Variants in FGD6 observed in about 807,000 individuals in gnomAD.
The protein encoded by FGD6 is FYVE, RhoGEF and PH domain-containing protein 6.
A neutral mutation model predicts 149.4 loss-of-function variants in FGD6; 90 were observed. The ratio of observed to expected loss-of-function variants is 0.60; its 90% CI spans 0.51 to 0.72. The LOEUF (loss-of-function observed/expected upper bound fraction) is 0.72, where lower values mean the gene tolerates loss of function less well. FGD6 is among the 30% of genes least tolerant of loss of function. The pLI, the probability that FGD6 is intolerant of heterozygous loss-of-function variation, is 0.00. For synonymous variants in FGD6, 527 were observed against 584.0 expected, an observed-to-expected ratio of 0.90 and a Z score of 1.41; for missense variants, 1,437 against 1,684.8, an observed-to-expected ratio of 0.85 and a Z score of 2.57.
rs1592879950 is a variant in FGD6, at chr12:95,210,495, G to A, written c.789C>T (p.Ser263=). Residue 263 remains serine, a synonymous_variant, in exon 2 of 21, where the codon AGC becomes AGT. Transcript: ENST00000343958. ...FETCQDDSEK[S]NNCFQSSELE... ...GTTCAGATGACTGAAAGCAATTATTGCTTTTTTCACTGTCATCCTGGCAAG... is the reference window on the plus strand; with the variant it reads ...GTTCAGATGACTGAAAGCAATTATTACTTTTTTCACTGTCATCCTGGCAAG... 3 of 1,613,890 alleles carry A rather than the reference G, an allele frequency of 1.9e-6. No homozygotes were observed. Among genetic ancestry groups the A allele is most frequent in the Middle Eastern group, 1.6e-4 (1 of 6,062 alleles).
At chr12:95,094,879 G>A (rs75794771) in intron 14 of FGD6, among the ~76,000 whole-genome samples, 185 bp from the exon 15 acceptor site, 1,602 of 152,256 alleles carry the variant, frequency 0.011, 32 homozygotes, top group African/African-American at 0.036. Context: ...CAGAGAACCC[G>A]TGATGGCATT....
chr12:95,151,668 T>A (rs554939526), intron 5 of FGD6, among the ~76,000 whole-genome samples: 1 of 152,292 alleles, frequency 6.6e-6, no homozygotes, highest in African/African-American at 2.4e-5. Context: ...TTTGTATGTA[T>A]CCATTCAAAG....
chr12:95,125,735 T>C, intron 8 of FGD6: 1 of 603,300 alleles, frequency 1.7e-6, no homozygotes. Context: ...TAAAAATGAA[T>C]TCCTTCTCAC....
chr12:95,169,692 A>G (rs1460765039), intron 3 of FGD6, among the ~76,000 whole-genome samples: 1 of 152,224 alleles, frequency 6.6e-6, no homozygotes, highest in South Asian at 2.1e-4. Flanking sequence ...AGAAGTATGG[A>G]AAGAAATGGG....
intron 2 of FGD6, among the ~76,000 whole-genome samples, chr12:95,192,793 G>C (rs1881628192): frequency 6.6e-6 from 1 of 152,198 alleles, no homozygotes; most frequent in Admixed American, 6.5e-5. Context: ...GGTCTAGAAA[G>C]ATGAAAAATT....
chr12:95,134,816 C>G lies in FGD6; in HGVS notation c.3005G>C (p.Arg1002Pro). 1.2e-6 allele frequency: 2 copies of G among 1,612,642 alleles called. No individual in the cohort carries two copies. Among genetic ancestry groups the G allele is most frequent in the South Asian group, 1.1e-5 (1 of 90,766 alleles). The change falls in exon 8 of 21, where the codon CGC (arginine) becomes CCC (proline). Residue 1002 changes from arginine to proline, a missense_variant. Physicochemically the swap from Arg to Pro is moderately radical, Grantham distance 103. Around this residue, in one of 2 missense-constraint regions of FGD6, gnomAD observed 382 missense variants for 538.7 expected, o/e 0.71. Coordinates refer to ENST00000343958, the MANE Select transcript of FGD6 (RefSeq NM_018351.4). Reference sequence around the variant, plus strand: ...GTGCTTGAGGGCCAGATTAGCACAGCGAGGGCTCATCTGAAAGGAGAAGGC... The same window carrying G: ...GTGCTTGAGGGCCAGATTAGCACAGGGAGGGCTCATCTGAAAGGAGAAGGC... ...AVVREFEMSP[R>P]CANLALKHYL...
chr12:95,090,107 G>C (rs1005800768), intron 17 of FGD6, among the ~76,000 whole-genome samples: 1 of 152,050 alleles, frequency 6.6e-6, no homozygotes, highest in Non-Finnish European at 1.5e-5. Context: ...AAGAAGTAAT[G>C]AATTCTGATT....
At chr12:95,138,338 G>C (rs1309403550) in intron 6 of FGD6, among the ~76,000 whole-genome samples, 1 of 152,136 alleles carries the variant, frequency 6.6e-6, no homozygotes, top group Non-Finnish European at 1.5e-5. Context: ...CTGATCAGGA[G>C]TTTGAGACCA....
intron 9 of FGD6, among the ~76,000 whole-genome samples, 200 bp downstream of exon 9, chr12:95,113,451 G>A (rs960562452): frequency 6.6e-6 from 1 of 151,874 alleles, no homozygotes; most frequent in African/African-American, 2.4e-5. Context: ...GGCCAGGCTG[G>A]TCTCAAACTC....
At chr12:95,203,418 T>C (rs1443775927) in intron 2 of FGD6, among the ~76,000 whole-genome samples, 1 of 152,136 alleles carries the variant, frequency 6.6e-6, no homozygotes, top group African/African-American at 2.4e-5. Context: ...ACAGTACCAC[T>C]AAAACTGCTC....
intron 6 of FGD6, among the ~76,000 whole-genome samples, chr12:95,139,543 C>A (rs143765504): frequency 3.3e-5 from 5 of 151,852 alleles, no homozygotes; most frequent in African/African-American, 1.2e-4. Context: ...ACCATGTTGG[C>A]CAGGCTGGTC....
At position 95,210,364 on chromosome 12, in the gene FGD6, G is replaced by A. The variant is rs563570959; in HGVS notation, c.920C>T (p.Pro307Leu). 6.2e-7 allele frequency: 1 copy of A among 1,613,460 alleles called. No individual in the cohort carries two copies. The highest frequency in any genetic ancestry group is 8.5e-7 in the Non-Finnish European group (1 of 1,179,900). Residue 307 changes from proline to leucine, a missense_variant, in exon 2 of 21, where the codon CCA becomes CTA. By Grantham distance (98) the Pro-to-Leu change is moderately conservative. Transcript: ENST00000343958. ...GGGAGTTGGAAATTTTGGGGTATAT[G>A]GTACTAAATGAATTTCTAAGGGACC... is the stretch of plus-strand genomic sequence containing the variant. ...DLGPLEIHLVPYTPKFPTPKP... is the reference protein window; with the variant it reads ...DLGPLEIHLVLYTPKFPTPKP...
chr12:95,081,614 C>T (rs997386946), intron 20 of FGD6, 58 bp from the exon 21 acceptor site: 8 of 1,244,844 alleles, frequency 6.4e-6, no homozygotes, highest in Non-Finnish European at 9.2e-6. Context: ...CGTGTGAACA[C>T]CATATAGATG....
At chr12:95,083,030 T>TATATAGATATATATATAC (rs772685891) in intron 20 of FGD6, among the ~76,000 whole-genome samples, 1 of 56,580 alleles carries the variant, frequency 1.8e-5, no homozygotes, top group East Asian at 4.1e-4. Context: ...TATATATATA[T>TATATAGATATATATATAC]ACACACACAT....
intron 2 of FGD6, among the ~76,000 whole-genome samples, chr12:95,195,218 A>G (rs1379896656): frequency 6.6e-6 from 1 of 152,214 alleles, no homozygotes; most frequent in Non-Finnish European, 1.5e-5. Flanking sequence ...AACGGACTAA[A>G]ATCACCTGAC....
intron 18 of FGD6, among the ~76,000 whole-genome samples, chr12:95,086,841 G>T: frequency 1.7e-5 from 2 of 116,594 alleles, no homozygotes; most frequent in East Asian, 2.6e-4. Flanking sequence ...CCACCACACC[G>T]GCCTTTTTTT....
intron 8 of FGD6, among the ~76,000 whole-genome samples, chr12:95,124,522 T>C (rs1879283112): frequency 6.6e-6 from 1 of 152,196 alleles, no homozygotes; most frequent in South Asian, 2.1e-4. Flanking sequence ...TGACTAAAAC[T>C]GTGAGAGCAA....
Position 95,089,566 on chromosome 12 carries a change from T to TAC in FGD6, c.3978+1_3978+2dup. ...ACATTGCAAATTTAATGGAAACACT[T>TAC]ACTTCTTTGAGAGCAGCTGGGATTT... On this transcript the variant is annotated splice_region_variant and intron_variant, in intron 18 of 20. Coordinates refer to ENST00000343958, the MANE Select transcript of FGD6 (RefSeq NM_018351.4). The TAC allele has an allele frequency of 3.1e-6, 5 of 1,613,238 alleles. No homozygotes were observed. The highest frequency in any genetic ancestry group is 4.2e-6 in the Non-Finnish European group (5 of 1,179,472).
At chr12:95,199,311 T>C (rs1160130320) in intron 2 of FGD6, among the ~76,000 whole-genome samples, 2 of 152,188 alleles carry the variant, frequency 1.3e-5, no homozygotes, top group Non-Finnish European at 2.9e-5. Flanking sequence ...ACTTTAATGA[T>C]CCTAAGACTA....
Sources: gnomAD v4.1 joint callset for allele counts (sites outside exome capture counted in the v4.1 genomes callset) on GRCh38, gnomAD v4.1.1 for gene constraint, gnomAD v4.1.1 regional missense constraint, MANE v1.5 for transcripts, NCBI Gene and HGNC (gene_info 2026-07-23, HGNC 2026-07-21) for gene names.